SRCIN1: variants seen among roughly 807,000 people sequenced by gnomAD.
SRCIN1 encodes P130Cas-associated protein.
Under a neutral mutation model 116.2 loss-of-function variants are expected in SRCIN1, and 50 were observed. The ratio of observed to expected loss-of-function variants is 0.43; its 90% CI spans 0.34 to 0.54. The LOEUF (loss-of-function observed/expected upper bound fraction) is 0.54. SRCIN1 is among the 20% of genes least tolerant of loss of function. SRCIN1 has a pLI of 0.02. For missense variants in SRCIN1, 1,446 were observed against 1,672.0 expected (o/e 0.86, Z 2.36); for synonymous variants, 736 against 750.0 (o/e 0.98, Z 0.30).
Position 38,561,463 on chromosome 17 carries a change from C to T in SRCIN1, c.1700G>A (p.Arg567Lys). ...CTGAGGCCTGGTTAACGTCCCTCAC[C>T]TGGTCTCCGTGTCCTTGGCTGGCAC... Reference protein sequence around the residue: ...PPVPAKDTETRERMEAMEKQI... With the variant: ...PPVPAKDTETKERMEAMEKQI... The change falls in exon 7 of 19, where the codon AGG (arginine) becomes AAG (lysine). Residue 567 changes from arginine to lysine, a missense_variant and splice_region_variant. Coordinates refer to ENST00000617146, the MANE Select transcript of SRCIN1 (RefSeq NM_025248.3). 2 of 1,580,474 alleles carry T rather than the reference C, an allele frequency of 1.3e-6. No homozygotes were observed. The highest frequency in any genetic ancestry group is 1.7e-5 in the Admixed American group (1 of 58,126).
intron 1 of SRCIN1, among the ~76,000 whole-genome samples, chr17:38,594,536 G>C (rs1908614951): frequency 6.6e-6 from 1 of 152,116 alleles, no homozygotes; most frequent in Non-Finnish European, 1.5e-5. Flanking sequence ...ATAGTACCCA[G>C]GGTACAGCCT....
intron 2 of SRCIN1, among the ~76,000 whole-genome samples, chr17:38,575,759 C>T (rs1257372845): frequency 1.3e-5 from 2 of 152,168 alleles, no homozygotes; most frequent in African/African-American, 4.8e-5. Flanking sequence ...TGACTCCACC[C>T]CCTTCGTTCC....
intron 3 of SRCIN1, among the ~76,000 whole-genome samples, chr17:38,565,780 C>G (rs1330342016): frequency 6.6e-6 from 1 of 152,220 alleles, no homozygotes; most frequent in Admixed American, 6.5e-5. Flanking sequence ...CATAATAGAT[C>G]AGACGTGGGG....
At chr17:38,578,855 C>G in intron 1 of SRCIN1, 64 bp from the exon 2 acceptor site, 1 of 1,427,434 alleles carries the variant, frequency 7.0e-7, no homozygotes, top group East Asian at 2.6e-5. Context: ...GCCCATCCCC[C>G]AAGGGGGTCC....
Position 38,560,322 on chromosome 17 carries a change from A to G in SRCIN1, c.1793+11T>C. ...TAGGCCCTGGCAGTGGTGTTGGGAG[A>G]GGGGCCTCACCTGGGGGTCTCAGGC... On this transcript the variant is annotated intron_variant, in intron 8 of 18. Transcript: ENST00000617146. The G allele has an allele frequency of 6.2e-7, 1 of 1,602,788 alleles. No individual in the cohort carries two copies. The highest frequency in any genetic ancestry group is 8.5e-7 in the Non-Finnish European group (1 of 1,174,590).
At chr17:38,534,119 C>A (rs531976673) in intron 18 of SRCIN1, among the ~76,000 whole-genome samples, 102 of 152,302 alleles carry the variant, frequency 6.7e-4, no homozygotes, top group African/African-American at 1.8e-3. Flanking sequence ...ACTTGTCCTG[C>A]CCTCACTGGT....
At chr17:38,564,665 A>G (rs1906563315) in intron 3 of SRCIN1, among the ~76,000 whole-genome samples, 2 of 149,428 alleles carry the variant, frequency 1.3e-5, no homozygotes, top group Non-Finnish European at 3.0e-5. Flanking sequence ...AGAATCGTTG[A>G]GCAAATTGGG....
At position 38,561,465 on chromosome 17, in the gene SRCIN1, G is replaced by C; in HGVS notation, c.1698C>G (p.Thr566=). The change falls in exon 7 of 19, where the codon ACC becomes ACG. Residue 566 remains threonine, a splice_region_variant and synonymous_variant. Transcript: ENST00000617146. ...GPPVPAKDTE[T]RERMEAMEKQ... ...GAGGCCTGGTTAACGTCCCTCACCT[G>C]GTCTCCGTGTCCTTGGCTGGCACTG... 6.3e-7 allele frequency: 1 copy of C among 1,581,934 alleles called. No homozygotes were observed. The highest frequency in any genetic ancestry group is 8.5e-7 in the Non-Finnish European group (1 of 1,172,142).
At chr17:38,565,901 G>A (rs1033645634) in intron 3 of SRCIN1, among the ~76,000 whole-genome samples, 23 of 152,278 alleles carry the variant, frequency 1.5e-4, no homozygotes, top group East Asian at 5.8e-4. Context: ...GGGAGGGGCC[G>A]CTTGTGCTTG....
At chr17:38,545,396 G>A (rs1465296236) in intron 17 of SRCIN1, 2 of 152,726 alleles carry the variant, frequency 1.3e-5, no homozygotes, top group African/African-American at 4.8e-5. Flanking sequence ...GGGGAGGGAG[G>A]GTTGGGGGCA....
Position 38,559,700 on chromosome 17 carries a change from G to A in SRCIN1, c.1910C>T (p.Thr637Ile), listed in dbSNP as rs1906089077. 1 of 1,591,118 alleles carries A rather than the reference G, an allele frequency of 6.3e-7. No homozygotes were observed. Among genetic ancestry groups the A allele is most frequent in the African/African-American group, 1.3e-5 (1 of 74,702 alleles). ...SGPPPPSASS[T>I]PAGQPTAVSR... ...AACGGCGGTAGGCTGACCTGCGGGG[G>A]TGCTGCTGGCCGAGGGCGGGGGCGG... Residue 637 changes from threonine to isoleucine, a missense_variant, in exon 10 of 19, where the codon ACC becomes ATC. Transcript: ENST00000617146.
At position 38,563,687 on chromosome 17, in the gene SRCIN1, C is replaced by CG. The variant is rs1906456103; in HGVS notation, c.542-167dup. 1.0e-6 allele frequency: 1 copy of CG among 996,076 alleles called. No homozygotes were observed. The highest frequency in any genetic ancestry group is 1.5e-6 in the Non-Finnish European group (1 of 656,606). 61.7% of individuals were successfully genotyped at this position (996,076 alleles called of 1,614,324 possible). On this transcript the variant is annotated intron_variant, in intron 4 of 18. Transcript: ENST00000617146. The surrounding 1 kb of genome is among the most constrained non-coding windows in gnomAD (Gnocchi z 5.8). The stretch of plus-strand genomic sequence containing the variant: ...ACCCAGGCACCTCTCATGCTGCCGG[C>CG]GGGGGCGCCAGGCCGGCTCTCCAGC...
chr17:38,580,210 C>T lies in SRCIN1; in HGVS notation c.23-1419G>A, dbSNP rs953658024. Among the ~76,000 whole-genome samples, 7 of 152,180 alleles carry T rather than the reference C, an allele frequency of 4.6e-5. No homozygotes were observed. In the East Asian group the frequency reaches 7.7e-4, roughly 17 times the overall value. ...GTCTATGGACAGCTGCCAGGTCTGCCATCCCCTGCCCAGCCACAGAGGAAA... is the reference window on the plus strand; with the variant it reads ...GTCTATGGACAGCTGCCAGGTCTGCTATCCCCTGCCCAGCCACAGAGGAAA... On this transcript the variant is annotated intron_variant, in intron 1 of 18. Coordinates refer to ENST00000617146, the MANE Select transcript of SRCIN1 (RefSeq NM_025248.3).
At chr17:38,588,966 C>T (rs765856323) in intron 1 of SRCIN1, among the ~76,000 whole-genome samples, 2 of 152,212 alleles carry the variant, frequency 1.3e-5, no homozygotes, top group African/African-American at 2.4e-5. Flanking sequence ...CTCCCTCGGC[C>T]GCTAGAACCA....
intron 1 of SRCIN1, among the ~76,000 whole-genome samples, chr17:38,591,987 G>C (rs1002160872): frequency 3.3e-5 from 5 of 152,206 alleles, no homozygotes; most frequent in Non-Finnish European, 7.3e-5. Context: ...TGTGAGAAGT[G>C]GAAAACCACA....
chr17:38,562,041 C>A lies in SRCIN1; in HGVS notation c.1122G>T (p.Val374=). 1 of 1,490,690 alleles carries A rather than the reference C, an allele frequency of 6.7e-7. No individual in the cohort carries two copies. Among genetic ancestry groups the A allele is most frequent in the Non-Finnish European group, 8.9e-7 (1 of 1,128,386 alleles). The allele number at this position is 1,490,690 out of a possible 1,614,324, so 92.3% of individuals were successfully genotyped here. ...TGCTCGCCAGGTCCTCGTCCGGCTT[C>A]ACGTCGCGCCGCTCCAGGATGGCGC... is the stretch of plus-strand genomic sequence containing the variant. The part of the protein sequence containing the change: ...SPSAILERRD[V]KPDEDLASKA... The change falls in exon 7 of 19, where the codon GTG becomes GTT. Residue 374 remains valine, a synonymous_variant. Transcript: ENST00000617146. The surrounding 1 kb of genome is among the most constrained non-coding windows in gnomAD (Gnocchi z 4.2).
intron 2 of SRCIN1, among the ~76,000 whole-genome samples, 155 bp downstream of exon 2, chr17:38,578,335 A>T (rs1907544903): frequency 6.6e-6 from 1 of 152,132 alleles, no homozygotes; most frequent in Non-Finnish European, 1.5e-5. Context: ...ACTGCCCTGG[A>T]GGGACAACTC....
chr17:38,564,204 A>G lies in SRCIN1; in HGVS notation c.455T>C (p.Leu152Pro). 1 of 1,587,552 alleles carries G rather than the reference A, an allele frequency of 6.3e-7. No homozygotes were observed. Among genetic ancestry groups the G allele is most frequent in the Non-Finnish European group, 8.6e-7 (1 of 1,168,044 alleles). The change falls in exon 4 of 19, where the codon CTG (leucine) becomes CCG (proline). Residue 152 changes from leucine (L) to proline (P), a missense_variant. This residue lies in a region of SRCIN1 where 246 missense variants were observed against 265.1 expected (regional missense o/e 0.93). Coordinates refer to ENST00000617146, the MANE Select transcript of SRCIN1 (RefSeq NM_025248.3). ...ESLETMSEAELPLGFSRMNRF... is the reference protein window; with the variant it reads ...ESLETMSEAEPPLGFSRMNRF... ...GTTCATCCTGCTGAAGCCCAGGGGC[A>G]GCTCGGCCTCCGACATGGTCTCCAG...
intron 15 of SRCIN1, among the ~76,000 whole-genome samples, chr17:38,549,918 AC>A (rs1905278651): frequency 6.6e-6 from 1 of 151,794 alleles, no homozygotes; most frequent in African/African-American, 2.4e-5. Context: ...CTGTTCCCTC[AC>A]CCTGGAGTAC....
Sources: gnomAD v4.1 joint callset for allele counts (sites outside exome capture counted in the v4.1 genomes callset) on GRCh38, gnomAD v4.1.1 for gene constraint, gnomAD v4.1.1 regional missense constraint, Gnocchi (gnomAD v3.1) non-coding constraint, MANE v1.5 for transcripts, NCBI Gene and HGNC (gene_info 2026-07-23, HGNC 2026-07-21) for gene names.